The following CTNNA3 variants were observed in gnomAD, a reference collection of about 807,000 sequenced individuals.
The protein encoded by CTNNA3 is catenin alpha 3.
CTNNA3 carries 76 observed loss-of-function variants against 95.7 expected under a neutral mutation model. The ratio of observed to expected loss-of-function variants is 0.79; its 90% CI spans 0.66 to 0.96. The LOEUF is 0.96. Ranked by LOEUF, CTNNA3 falls within the 40% of genes least tolerant of loss-of-function variation. The probability of loss-of-function intolerance (pLI) is 0.00; values close to 1 mark genes in which losing one functional copy is unlikely to be tolerated. For missense variants in CTNNA3, 1,191 were observed against 1,089.8 expected (o/e 1.09, Z -1.31); for synonymous variants, 431 against 374.4 (o/e 1.15, Z -1.74).
intron 13 of CTNNA3, among the ~76,000 whole-genome samples, chr10:66,236,506 T>C (rs1466614969): frequency 6.6e-6 from 1 of 152,172 alleles, no homozygotes; most frequent in Non-Finnish European, 1.5e-5. Flanking sequence ...TTAGAGGGAA[T>C]GTCACCTGTC....
intron 12 of CTNNA3, among the ~76,000 whole-genome samples, chr10:66,288,360 A>T (rs926228021): frequency 2.2e-5 from 2 of 89,078 alleles, no homozygotes; most frequent in African/African-American, 9.6e-5. Context: ...ATTCTACAAT[A>T]AAAAAAATAA....
intron 3 of CTNNA3, among the ~76,000 whole-genome samples, chr10:67,591,442 T>C (rs1020904543): frequency 3.9e-5 from 6 of 152,046 alleles, no homozygotes; most frequent in Non-Finnish European, 7.4e-5. Context: ...TAAGTATAAA[T>C]GAGATGATCA....
chr10:66,673,968 A>G (rs575846743), intron 9 of CTNNA3, among the ~76,000 whole-genome samples: 1 of 151,960 alleles, frequency 6.6e-6, no homozygotes, highest in Non-Finnish European at 1.5e-5. Context: ...TCACAATAAT[A>G]TCTAGATGTG....
chr10:66,664,982 T>C (rs1019013408), intron 9 of CTNNA3, among the ~76,000 whole-genome samples: 1 of 151,528 alleles, frequency 6.6e-6, no homozygotes, highest in African/African-American at 2.4e-5. Context: ...CTCCCAGTGA[T>C]TTAATACAAA....
intron 7 of CTNNA3, chr10:67,098,047 T>C (rs1444803492): frequency 2.1e-6 from 1 of 469,252 alleles, no homozygotes; most frequent in Non-Finnish European, 3.9e-6. Context: ...AATAAAAGAA[T>C]CTTTTTTTTT....
intron 9 of CTNNA3, among the ~76,000 whole-genome samples, chr10:66,765,478 C>T (rs563265169): frequency 1.1e-4 from 17 of 152,194 alleles, no homozygotes; most frequent in African/African-American, 4.1e-4. Flanking sequence ...ATGAGCCATA[C>T]TGAATATCAT....
At chr10:67,381,606 CT>C (rs139706636) in intron 5 of CTNNA3, among the ~76,000 whole-genome samples, 2,384 of 152,286 alleles carry the variant, frequency 0.016, 71 homozygotes, top group African/African-American at 0.053. Flanking sequence ...CCACCCTCCC[CT>C]GACCCTCTTT....
At chr10:66,372,996 C>T (rs1395900009) in intron 12 of CTNNA3, among the ~76,000 whole-genome samples, 1 of 152,066 alleles carries the variant, frequency 6.6e-6, no homozygotes, top group Non-Finnish European at 1.5e-5. Context: ...GTATCTCAAC[C>T]CCTCTTTATG....
intron 7 of CTNNA3, among the ~76,000 whole-genome samples, chr10:66,825,757 T>A (rs1486053590): frequency 6.6e-6 from 1 of 152,090 alleles, no homozygotes; most frequent in African/African-American, 2.4e-5. Flanking sequence ...GTCAAAGAAG[T>A]CATCTCACTG....
intron 3 of CTNNA3, among the ~76,000 whole-genome samples, chr10:67,566,497 C>G (rs530785056): frequency 2.8e-4 from 43 of 151,902 alleles, no homozygotes; most frequent in Non-Finnish European, 2.9e-5. Context: ...GTTAGAATGG[C>G]GATCATTAAA....
intron 15 of CTNNA3, among the ~76,000 whole-genome samples, chr10:66,054,352 C>T (rs1259381647): frequency 6.6e-6 from 1 of 152,098 alleles, no homozygotes; most frequent in African/African-American, 2.4e-5. Context: ...CAATAGTGTA[C>T]AAGAGTTTCC....
At chr10:66,119,117 A>G (rs1182634371) in intron 13 of CTNNA3, among the ~76,000 whole-genome samples, 2 of 152,098 alleles carry the variant, frequency 1.3e-5, no homozygotes, top group Non-Finnish European at 2.9e-5. Flanking sequence ...TTTTAAATAG[A>G]TACAGATTAC....
intron 12 of CTNNA3, among the ~76,000 whole-genome samples, chr10:66,342,656 A>G (rs922223674): frequency 6.6e-6 from 1 of 152,064 alleles, no homozygotes; most frequent in Non-Finnish European, 1.5e-5. Context: ...GTGTAAGGAA[A>G]GAAATTAGTT....
intron 17 of CTNNA3, among the ~76,000 whole-genome samples, chr10:65,938,868 T>C (rs1269986033): frequency 6.6e-6 from 1 of 151,860 alleles, no homozygotes. Flanking sequence ...GAAGACAGCA[T>C]AGACTAGTAG....
chr10:66,154,719 C>CATATATATATATATAT (rs569694429), intron 13 of CTNNA3, among the ~76,000 whole-genome samples: 2,076 of 74,714 alleles, frequency 0.028, 139 homozygotes, highest in Middle Eastern at 0.038. Flanking sequence ...TGAAAAAGTT[C>CATATATATATATATAT]ATATATATAT....
At chr10:66,697,639 A>C (rs556640244) in intron 9 of CTNNA3, among the ~76,000 whole-genome samples, 1 of 151,492 alleles carries the variant, frequency 6.6e-6, no homozygotes, top group East Asian at 2.2e-4. Flanking sequence ...ACAAGCTTTA[A>C]AAATGCTCAA....
chr10:66,620,727 T>C (rs1211290746), intron 10 of CTNNA3, among the ~76,000 whole-genome samples: 2 of 152,168 alleles, frequency 1.3e-5, no homozygotes, highest in East Asian at 3.9e-4. Context: ...TTGTTCTTAC[T>C]TGTTAATCAA....
At chr10:66,108,059 C>G (rs1388188850) in intron 13 of CTNNA3, among the ~76,000 whole-genome samples, 2 of 151,916 alleles carry the variant, frequency 1.3e-5, no homozygotes, top group African/African-American at 4.8e-5. Context: ...ATGTCCATCC[C>G]AAGCAGGAGA....
intron 11 of CTNNA3, among the ~76,000 whole-genome samples, chr10:66,479,408 T>C (rs1379965183): frequency 6.6e-6 from 1 of 152,066 alleles, no homozygotes; most frequent in Non-Finnish European, 1.5e-5. Flanking sequence ...AATCTTAGAA[T>C]AAGCCAATCA....
Sources: allele counts gnomAD v4.1 joint callset (sites outside exome capture counted in the v4.1 genomes callset), GRCh38; gene constraint gnomAD v4.1.1; transcripts MANE v1.5; gene names NCBI Gene and HGNC (gene_info 2026-07-23, HGNC 2026-07-21).